ACTR3: variants seen among roughly 807,000 people sequenced by gnomAD.
ACTR3 encodes actin related protein 3.
A neutral mutation model predicts 56.8 loss-of-function variants in ACTR3; 12 were observed. The observed-to-expected ratio is 0.21, with a 90% CI of 0.14 to 0.34. The LOEUF (loss-of-function observed/expected upper bound fraction) is 0.34, where lower values mean the gene tolerates loss of function less well. Among genes scored for constraint, ACTR3 ranks in the 10% least tolerant of loss-of-function variants. The probability of loss-of-function intolerance (pLI) is 1.00; values close to 1 mark genes in which losing one functional copy is unlikely to be tolerated. For missense variants in ACTR3, 282 were observed against 512.5 expected, an observed-to-expected ratio of 0.55 and a Z score of 4.34; for synonymous variants, 162 against 167.4, an observed-to-expected ratio of 0.97 and a Z score of 0.25.
Position 113,910,884 on chromosome 2 carries a change from A to T in ACTR3, c.45-2288A>T, listed in dbSNP as rs539730965. Among the ~76,000 whole-genome samples the T allele has an allele frequency of 2.0e-5, 3 of 152,350 alleles. No individual in the cohort carries two copies. In the South Asian group the frequency reaches 6.2e-4, roughly 32 times the overall value. ...AGCTTGAATTGTGGTGGTGACAAAT[A>T]AGAATAAAAGTAGAGAGATTAATAT... On this transcript the variant is annotated intron_variant, in intron 1 of 11. Transcript: ENST00000263238.
At chr2:113,935,271 A>G (rs1679806721) in intron 6 of ACTR3, among the ~76,000 whole-genome samples, 1 of 152,204 alleles carries the variant, frequency 6.6e-6, no homozygotes, top group Non-Finnish European at 1.5e-5. Flanking sequence ...GATTTTTAGT[A>G]TATTCACAAA....
intron 1 of ACTR3, chr2:113,890,723 G>A (rs1437058182): frequency 2.0e-5 from 22 of 1,082,862 alleles, no homozygotes; most frequent in Non-Finnish European, 2.4e-5. Context: ...TGGGGACCCA[G>A]GGGCCGAGCT....
rs550436807 is a variant in ACTR3 at position 113,961,122 on chromosome 2, G to A, written c.*3667G>A. 25 of 152,040 alleles carry A rather than the reference G, an allele frequency of 1.6e-4. No individual in the cohort carries two copies. Among genetic ancestry groups the A allele is most frequent in the Non-Finnish European group, 2.9e-4 (20 of 67,880 alleles). 9.4% of individuals were successfully genotyped at this position (152,040 alleles called of 1,614,324 possible). The stretch of plus-strand genomic sequence containing the variant: ...ATTTCTGCTACTCATTGTTGATAAC[G>A]CTTCAGTACTGTATAAATGTTTATC... On this transcript the variant is annotated 3_prime_UTR_variant, in exon 12 of 12. Transcript: ENST00000263238.
chr2:113,915,174 T>C (rs998756297), intron 2 of ACTR3, among the ~76,000 whole-genome samples: 4 of 152,172 alleles, frequency 2.6e-5, no homozygotes, highest in African/African-American at 7.2e-5. Flanking sequence ...GTACCAAAAA[T>C]TGGGTGGCTG....
intron 3 of ACTR3, among the ~76,000 whole-genome samples, chr2:113,917,679 C>T (rs35680405): frequency 0.07 from 10,665 of 152,222 alleles, 488 homozygotes; most frequent in East Asian, 0.18. Context: ...TGTACTTCTT[C>T]CCTTCTCATA....
chr2:113,934,125 A>G (rs1186405747), intron 5 of ACTR3, 154 bp from the exon 6 acceptor site: 16 of 586,258 alleles, frequency 2.7e-5, no homozygotes, highest in Middle Eastern at 9.0e-4. Flanking sequence ...ATTGCATAAT[A>G]CAAAATTAAT....
intron 8 of ACTR3, among the ~76,000 whole-genome samples, chr2:113,949,602 C>G (rs1680085100): frequency 6.6e-6 from 1 of 152,016 alleles, no homozygotes; most frequent in South Asian, 2.1e-4. Context: ...CTCTCTGTCA[C>G]CCAGGCTGGA....
intron 3 of ACTR3, among the ~76,000 whole-genome samples, chr2:113,917,710 C>T (rs1679432700): frequency 6.6e-6 from 1 of 152,178 alleles, no homozygotes; most frequent in South Asian, 2.1e-4. Context: ...TAATGAACAA[C>T]TACCATGTGT....
intron 4 of ACTR3, among the ~76,000 whole-genome samples, chr2:113,929,972 C>CTGCTA (rs1252506609): frequency 2.0e-5 from 3 of 152,196 alleles, no homozygotes; most frequent in Non-Finnish European, 2.9e-5. Context: ...AGCCACTGCG[C>CTGCTA]TGCTAGCTTG....
At chr2:113,931,008 C>G (rs1488484369) in intron 4 of ACTR3, among the ~76,000 whole-genome samples, 1 of 151,982 alleles carries the variant, frequency 6.6e-6, no homozygotes, top group African/African-American at 2.4e-5. Context: ...TACCTCCAAC[C>G]CTCTCTCTCC....
chr2:113,894,353 A>G (rs1678963581), intron 1 of ACTR3, among the ~76,000 whole-genome samples: 1 of 152,188 alleles, frequency 6.6e-6, no homozygotes, highest in East Asian at 1.9e-4. Flanking sequence ...TCATCCTCCC[A>G]GAGTGCTGGG....
intron 7 of ACTR3, among the ~76,000 whole-genome samples, chr2:113,940,586 T>A (rs1034430436): frequency 1.3e-5 from 2 of 152,072 alleles, no homozygotes; most frequent in African/African-American, 4.8e-5. Flanking sequence ...ATTTTATTAA[T>A]TTTTTTCTGC....
chr2:113,924,746 T>C (rs1039757230), intron 3 of ACTR3, among the ~76,000 whole-genome samples: 5 of 151,946 alleles, frequency 3.3e-5, no homozygotes, highest in African/African-American at 1.2e-4. Flanking sequence ...TTTTCTGTTC[T>C]CCACAAGTTC....
At chr2:113,905,567 A>G (rs972312016) in intron 1 of ACTR3, among the ~76,000 whole-genome samples, 1 of 151,938 alleles carries the variant, frequency 6.6e-6, no homozygotes, top group Non-Finnish European at 1.5e-5. Context: ...CATTCACATT[A>G]TTGTCTAACC....
chr2:113,927,699 A>T (rs114699774), intron 4 of ACTR3, among the ~76,000 whole-genome samples: 110 of 152,330 alleles, frequency 7.2e-4, no homozygotes, highest in African/African-American at 1.8e-3. Flanking sequence ...TCTTTATGAT[A>T]GAAACAGTAA....
chr2:113,898,791 A>T (rs1374925672), intron 1 of ACTR3, among the ~76,000 whole-genome samples: 1 of 152,170 alleles, frequency 6.6e-6, no homozygotes, highest in Non-Finnish European at 1.5e-5. Context: ...ATTAAATGGG[A>T]TGTGTACCAA....
At chr2:113,916,094 TA>T (rs1033818403) in intron 2 of ACTR3, among the ~76,000 whole-genome samples, 40 of 152,234 alleles carry the variant, frequency 2.6e-4, no homozygotes, top group Non-Finnish European at 8.8e-5. Flanking sequence ...GATGGTGGAT[TA>T]AAAATTTTTT....
chr2:113,934,159 T>C, intron 5 of ACTR3, 120 bp from the exon 6 acceptor site: 1 of 665,790 alleles, frequency 1.5e-6, no homozygotes, highest in South Asian at 1.8e-5. Context: ...TTTCCACAGA[T>C]ACTACATTTA....
At chr2:113,949,184 C>T (rs1205642645) in intron 8 of ACTR3, among the ~76,000 whole-genome samples, 1 of 150,708 alleles carries the variant, frequency 6.6e-6, no homozygotes, top group Non-Finnish European at 1.5e-5. Flanking sequence ...TCGAGATCAG[C>T]CTGGCCAACA....
Sources: allele counts gnomAD v4.1 joint callset (sites outside exome capture counted in the v4.1 genomes callset), GRCh38; gene constraint gnomAD v4.1.1; transcripts MANE v1.5; gene names NCBI Gene and HGNC (gene_info 2026-07-23, HGNC 2026-07-21).